The following SGCZ variants were observed in gnomAD, a reference collection of about 807,000 sequenced individuals.
SGCZ encodes the protein zeta-sarcoglycan.
In SGCZ, 40 loss-of-function variants were observed where a neutral mutation model predicts 41.3. The observed-to-expected ratio is 0.97, with a 90% CI of 0.75 to 1.26. The LOEUF (loss-of-function observed/expected upper bound fraction) is 1.26. Ranked by LOEUF, SGCZ falls within the 50% of genes most tolerant of loss-of-function variation. SGCZ has a pLI of 0.00. For synonymous variants in SGCZ, 206 were observed against 137.5 expected, an observed-to-expected ratio of 1.50 and a Z score of -3.49; for missense variants, 552 against 369.8, an observed-to-expected ratio of 1.49 and a Z score of -4.04.
chr8:14,141,427 G>A (rs1803365761), intron 5 of SGCZ, among the ~76,000 whole-genome samples: 1 of 152,110 alleles, frequency 6.6e-6, no homozygotes, highest in African/African-American at 2.4e-5. Context: ...ATCTGACAAA[G>A]GACTACTATC....
At chr8:15,046,667 G>A (rs776094535) in intron 1 of SGCZ, among the ~76,000 whole-genome samples, 18 of 151,964 alleles carry the variant, frequency 1.2e-4, no homozygotes, top group Non-Finnish European at 2.2e-4. Flanking sequence ...AGATCAGGAT[G>A]CTAGATGTGC....
chr8:14,979,494 T>A (rs1435550303), intron 1 of SGCZ, among the ~76,000 whole-genome samples: 3 of 152,230 alleles, frequency 2.0e-5, no homozygotes, highest in Non-Finnish European at 4.4e-5. Context: ...TATGCCTTAT[T>A]ATGTCTTTCT....
chr8:14,863,556 A>C, intron 1 of SGCZ, among the ~76,000 whole-genome samples: 1 of 152,068 alleles, frequency 6.6e-6, no homozygotes, highest in East Asian at 1.9e-4. Flanking sequence ...AAGAAGATAA[A>C]ATGAACACTG....
chr8:14,506,589 A>T (rs1186236961), intron 2 of SGCZ, among the ~76,000 whole-genome samples: 1 of 151,996 alleles, frequency 6.6e-6, no homozygotes, highest in Non-Finnish European at 1.5e-5. Flanking sequence ...ACAGGCAAAA[A>T]CCTTGACAAA....
intron 1 of SGCZ, among the ~76,000 whole-genome samples, chr8:14,993,425 A>T (rs561101907): frequency 6.6e-6 from 1 of 152,306 alleles, no homozygotes; most frequent in East Asian, 1.9e-4. Context: ...AACACAAAGA[A>T]ATCATGGGGC....
chr8:14,815,159 A>G (rs974875500), intron 1 of SGCZ, among the ~76,000 whole-genome samples: 1 of 152,144 alleles, frequency 6.6e-6, no homozygotes, highest in South Asian at 2.1e-4. Flanking sequence ...GTGTATGTTG[A>G]GAAGAAAGTG....
chr8:15,092,483 A>G (rs1806190705), intron 1 of SGCZ, among the ~76,000 whole-genome samples: 1 of 152,242 alleles, frequency 6.6e-6, no homozygotes, highest in African/African-American at 2.4e-5. Context: ...TAGCCTGAGT[A>G]TTAAATCATA....
intron 2 of SGCZ, among the ~76,000 whole-genome samples, chr8:14,376,047 C>T (rs1031619860): frequency 3.3e-5 from 5 of 152,194 alleles, no homozygotes; most frequent in African/African-American, 1.2e-4. Flanking sequence ...GGCGAGGTGG[C>T]TCATGCCGGT....
intron 1 of SGCZ, among the ~76,000 whole-genome samples, chr8:14,931,330 T>C (rs13278318): frequency 0.028 from 4,302 of 152,194 alleles, 94 homozygotes; most frequent in Non-Finnish European, 0.046. Flanking sequence ...AAATTTCAAA[T>C]AGTTTGATCT....
intron 1 of SGCZ, among the ~76,000 whole-genome samples, chr8:14,676,258 G>C (rs1420571848): frequency 6.6e-6 from 1 of 152,012 alleles, no homozygotes; most frequent in East Asian, 1.9e-4. Context: ...GATCTCTTAA[G>C]GCCAATGCAG....
chr8:14,303,926 A>G (rs1585340324), intron 3 of SGCZ, among the ~76,000 whole-genome samples: 1 of 151,782 alleles, frequency 6.6e-6, no homozygotes, highest in Non-Finnish European at 1.5e-5. Context: ...TAATTTTTCT[A>G]TTTTTAGTAG....
intron 1 of SGCZ, among the ~76,000 whole-genome samples, chr8:15,110,738 G>A (rs1471683704): frequency 6.6e-6 from 1 of 152,152 alleles, no homozygotes; most frequent in African/African-American, 2.4e-5. Context: ...GGAAGCCAAG[G>A]CGGGCGGATC....
intron 1 of SGCZ, among the ~76,000 whole-genome samples, chr8:14,660,116 C>G (rs915593185): frequency 6.6e-6 from 1 of 152,108 alleles, no homozygotes; most frequent in Non-Finnish European, 1.5e-5. Context: ...TCCAGAACCA[C>G]GAGACAACAA....
chr8:15,122,764 T>C (rs1299385966), intron 1 of SGCZ, among the ~76,000 whole-genome samples: 1 of 152,208 alleles, frequency 6.6e-6, no homozygotes, highest in Non-Finnish European at 1.5e-5. Flanking sequence ...AACTTAGTTA[T>C]GAATATCAGT....
chr8:14,588,934 C>A (rs75729057), intron 1 of SGCZ, among the ~76,000 whole-genome samples: 5,689 of 152,132 alleles, frequency 0.037, 361 homozygotes, highest in African/African-American at 0.13. Context: ...GAAAATTTGT[C>A]AAATATAATT....
At chr8:15,155,314 G>A (rs1262390998) in intron 1 of SGCZ, among the ~76,000 whole-genome samples, 1 of 151,456 alleles carries the variant, frequency 6.6e-6, no homozygotes, top group Non-Finnish European at 1.5e-5. Flanking sequence ...AAATAAATAA[G>A]TGTTTCAGGT....
chr8:14,183,146 T>C (rs1211353343), intron 4 of SGCZ, among the ~76,000 whole-genome samples: 2 of 152,172 alleles, frequency 1.3e-5, no homozygotes, highest in Non-Finnish European at 2.9e-5. Flanking sequence ...AAATATTTCA[T>C]GGCAACATTA....
intron 3 of SGCZ, among the ~76,000 whole-genome samples, chr8:14,267,998 G>A (rs903302176): frequency 3.3e-5 from 5 of 151,438 alleles, no homozygotes; most frequent in Non-Finnish European, 7.4e-5. Flanking sequence ...GAATTATCAT[G>A]TACTTATATA....
chr8:15,195,112 C>T (rs1347916698), intron 1 of SGCZ, among the ~76,000 whole-genome samples: 2 of 152,066 alleles, frequency 1.3e-5, no homozygotes, highest in Non-Finnish European at 2.9e-5. Context: ...TCTGATGAAC[C>T]AATAAGAACA....
Sources: gnomAD v4.1 joint callset for allele counts (sites outside exome capture counted in the v4.1 genomes callset) on GRCh38, gnomAD v4.1.1 for gene constraint, MANE v1.5 for transcripts, NCBI Gene and HGNC (gene_info 2026-07-23, HGNC 2026-07-21) for gene names.